PIEZO2: variants seen among roughly 807,000 people sequenced by gnomAD.
The protein encoded by PIEZO2 is piezo type mechanosensitive ion channel component 2.
A neutral mutation model predicts 337.3 loss-of-function variants in PIEZO2; 172 were observed. That is an observed-to-expected ratio of 0.51 (90% CI 0.45 to 0.58). The LOEUF (loss-of-function observed/expected upper bound fraction) is 0.58. PIEZO2 is among the 20% of genes least tolerant of loss of function. The pLI is 0.00. For synonymous variants in PIEZO2, 1,251 were observed against 1,228.5 expected, an observed-to-expected ratio of 1.02 and a Z score of -0.38; for missense variants, 3,028 against 3,391.3, an observed-to-expected ratio of 0.89 and a Z score of 2.66.
chr18:10,779,605 T>C (rs2038907724), intron 18 of PIEZO2, among the ~76,000 whole-genome samples: 1 of 152,262 alleles, frequency 6.6e-6, no homozygotes, highest in African/African-American at 2.4e-5. Flanking sequence ...TCTGGTGATG[T>C]AAAATATCCC....
At chr18:10,868,349 A>T (rs2144770373) in intron 5 of PIEZO2, among the ~76,000 whole-genome samples, 1 of 152,328 alleles carries the variant, frequency 6.6e-6, no homozygotes, top group South Asian at 2.1e-4. Context: ...CAAAAATAAA[A>T]TAAATTCCCT....
At position 10,735,291 on chromosome 18, in the gene PIEZO2, G is replaced by A. The variant is rs1425702707; in HGVS notation, c.4855C>T (p.Pro1619Ser). ...GKFASAILAL[P>S]KSVIKLPKTI... ...TTGGGAAGTTTAATGACAGACTTTG[G>A]CAAGGCTAAAATGGCTGATGCAAAC... The change falls in exon 35 of 56, where the codon CCA (proline) becomes TCA (serine). Residue 1619 changes from proline (P) to serine (S), a missense_variant. This residue lies in a region of PIEZO2 where 1,925 missense variants were observed against 2,051.9 expected (regional missense o/e 0.94). Transcript: ENST00000674853. Among the ~76,000 whole-genome samples, 2 of 152,112 alleles carry A rather than the reference G, an allele frequency of 1.3e-5. No homozygotes were observed. Among genetic ancestry groups the A allele is most frequent in the African/African-American group, 4.8e-5 (2 of 41,414 alleles).
Position 11,125,997 on chromosome 18 carries a change from G to C in PIEZO2, c.64+22528C>G, listed in dbSNP as rs1186217008. ...GCACGTGACTGTGGTTTTATCCAGA[G>C]TGTTGTCAAAGCATGCATAATGACT... is the stretch of plus-strand genomic sequence containing the variant. On this transcript the variant is annotated intron_variant, in intron 1 of 55. Coordinates refer to ENST00000674853, the MANE Select transcript of PIEZO2 (RefSeq NM_001378183.1). This position sits in a 1 kb window ranked among gnomAD's most constrained non-coding sequence, Gnocchi z 4.4. 6.6e-6 allele frequency among the ~76,000 whole-genome samples: 1 copy of C among 152,182 alleles called. No individual in the cohort carries two copies. The highest frequency in any genetic ancestry group is 2.4e-5 in the African/African-American group (1 of 41,432).
rs1430073352 is a variant in PIEZO2, at chr18:11,031,408, T to C, written c.160+34719A>G. Among the ~76,000 whole-genome samples, 3 of 152,168 alleles carry C rather than the reference T, an allele frequency of 2.0e-5. No homozygotes were observed. Among genetic ancestry groups the C allele is most frequent in the African/African-American group, 7.2e-5 (3 of 41,430 alleles). On this transcript the variant is annotated intron_variant, in intron 2 of 55. Coordinates refer to ENST00000674853, the MANE Select transcript of PIEZO2 (RefSeq NM_001378183.1). This position sits in a 1 kb window ranked among gnomAD's most constrained non-coding sequence, Gnocchi z 4.7. ...TTTTGAAAGTATACTCCACTCTTAA[T>C]TCTTACATTTTATACCAGAAAAAAA...
intron 48 of PIEZO2, among the ~76,000 whole-genome samples, chr18:10,690,282 G>A (rs1288372708): frequency 6.6e-6 from 1 of 152,184 alleles, no homozygotes; most frequent in Admixed American, 6.5e-5. Flanking sequence ...ACTTGCTGGA[G>A]TACCACAGTG....
intron 1 of PIEZO2, among the ~76,000 whole-genome samples, chr18:11,108,814 A>G (rs2039650267): frequency 6.6e-6 from 1 of 152,078 alleles, no homozygotes; most frequent in African/African-American, 2.4e-5. Context: ...AGGGCTGGCA[A>G]GCTGAAGACC....
chr18:10,762,537 C>T lies in PIEZO2; in HGVS notation c.3212G>A (p.Gly1071Asp), dbSNP rs1039361041. Residue 1071 changes from glycine to aspartate, a missense_variant, in exon 23 of 56, where the codon GGC becomes GAC. Transcript: ENST00000674853. ...SAPIDPTEWV[G>D]LRKSSPLLVY... ...TAGCAGAGGCGAAGACTTCCGCAGGCCGACCCACTCTGTAGGATCGATAGG... is the reference window on the plus strand; with the variant it reads ...TAGCAGAGGCGAAGACTTCCGCAGGTCGACCCACTCTGTAGGATCGATAGG... 2.0e-6 allele frequency: 3 copies of T among 1,537,314 alleles called. No individual in the cohort carries two copies. The highest frequency in any genetic ancestry group is 2.4e-5 in the East Asian group (1 of 40,912).
In PIEZO2 at chr18:11,048,130, A is replaced by T. The variant is rs2037386786; in HGVS notation, c.160+17997T>A. 6.6e-6 allele frequency among the ~76,000 whole-genome samples: 1 copy of T among 152,210 alleles called. No homozygotes were observed. Among genetic ancestry groups the T allele is most frequent in the Non-Finnish European group, 1.5e-5 (1 of 68,040 alleles). On this transcript the variant is annotated intron_variant, in intron 2 of 55. Coordinates refer to ENST00000674853, the MANE Select transcript of PIEZO2 (RefSeq NM_001378183.1). This position sits in a 1 kb window ranked among gnomAD's most constrained non-coding sequence, Gnocchi z 4.5. ...CATGTGACACCTCTTCAAGCCTGAA[A>T]GCCCCTGCTCCTGACTGCCCGAGGA...
At chr18:11,007,401 A>G (rs1010095770) in intron 2 of PIEZO2, among the ~76,000 whole-genome samples, 1 of 152,250 alleles carries the variant, frequency 6.6e-6, no homozygotes, top group African/African-American at 2.4e-5. Flanking sequence ...TAGCAAATGT[A>G]TGCATATAGG....
At chr18:10,764,837 C>T (rs1232649464) in intron 21 of PIEZO2, among the ~76,000 whole-genome samples, 1 of 152,202 alleles carries the variant, frequency 6.6e-6, no homozygotes, top group East Asian at 1.9e-4. Context: ...CACTCATAAA[C>T]ATGTTACCTT....
At position 10,740,959 on chromosome 18, in the gene PIEZO2, G is replaced by C. The variant is rs1240643677; in HGVS notation, c.4708+72C>G. ...CATGCATGGAACACATGGGTCACGGGAACGCCTGAATTCTGGTCAAGGATA... is the reference window on the plus strand; with the variant it reads ...CATGCATGGAACACATGGGTCACGGCAACGCCTGAATTCTGGTCAAGGATA... On this transcript the variant is annotated intron_variant, in intron 33 of 55. Coordinates refer to ENST00000674853, the MANE Select transcript of PIEZO2 (RefSeq NM_001378183.1). 5 of 1,429,368 alleles carry C rather than the reference G, an allele frequency of 3.5e-6. No individual in the cohort carries two copies. The South Asian group carries it at 6.1e-5, about 17-fold the overall frequency. 88.5% of individuals were successfully genotyped at this position (1,429,368 alleles called of 1,614,324 possible).
rs544807073 is a variant in PIEZO2, at chr18:10,790,833, T to G, written c.1882+368A>C. 2.0e-5 allele frequency among the ~76,000 whole-genome samples: 3 copies of G among 151,820 alleles called. No homozygotes were observed. In the East Asian group the frequency reaches 5.8e-4, roughly 30 times the overall value. ...CCGTTCTCTTCCTCAGCCTCCTGAG[T>G]AGCTGGGACTACAGGCGCCCACCAC... On this transcript the variant is annotated intron_variant, in intron 14 of 55. Coordinates refer to ENST00000674853, the MANE Select transcript of PIEZO2 (RefSeq NM_001378183.1).
At chr18:11,072,695 G>C (rs2038388049) in intron 1 of PIEZO2, among the ~76,000 whole-genome samples, 1 of 152,198 alleles carries the variant, frequency 6.6e-6, no homozygotes, top group Non-Finnish European at 1.5e-5. Context: ...AGTGGGTACA[G>C]CTATGTAGCC....
Position 10,724,688 on chromosome 18 carries a change from T to C in PIEZO2, c.5030-6429A>G. On this transcript the variant is annotated intron_variant, in intron 36 of 55. Coordinates refer to ENST00000674853, the MANE Select transcript of PIEZO2 (RefSeq NM_001378183.1). The surrounding 1 kb of genome is among the most constrained non-coding windows in gnomAD (Gnocchi z 5.8). The stretch of plus-strand genomic sequence containing the variant: ...AGCCCACCTACCAGTCTGCTGTCCC[T>C]GCGTCATAGGCTGAAGCACTCAGAC... The C allele has an allele frequency of 9.0e-7, 1 of 1,108,888 alleles. No homozygotes were observed. The highest frequency in any genetic ancestry group is 1.3e-6 in the Non-Finnish European group (1 of 763,778). The allele number at this position is 1,108,888 out of a possible 1,614,324, so 68.7% of individuals were successfully genotyped here. A position where few individuals can be genotyped will look rare whatever the true frequency, so the allele number is the denominator to read the frequency against.
chr18:10,792,822 T>C (rs1285457027), intron 13 of PIEZO2, among the ~76,000 whole-genome samples: 1 of 152,192 alleles, frequency 6.6e-6, no homozygotes, highest in Non-Finnish European at 1.5e-5. Flanking sequence ...TTATGGAAAT[T>C]TTATGTTTAA....
At chr18:11,121,192 C>T (rs983690954) in intron 1 of PIEZO2, among the ~76,000 whole-genome samples, 3 of 152,168 alleles carry the variant, frequency 2.0e-5, no homozygotes, top group Admixed American at 1.3e-4. Context: ...GTGGAGGTTG[C>T]AGTGAGCCAA....
Position 10,795,116 on chromosome 18 carries a change from A to T in PIEZO2, c.1528-114T>A. ...AAAGGTCATAATATTCAAACCAGGG[A>T]GAGTAGAGAGTTGTGGTGGAGTGAT... On this transcript the variant is annotated intron_variant, in intron 12 of 55. Coordinates refer to ENST00000674853, the MANE Select transcript of PIEZO2 (RefSeq NM_001378183.1). This position sits in a 1 kb window ranked among gnomAD's most constrained non-coding sequence, Gnocchi z 4.4. 1 of 906,528 alleles carries T rather than the reference A, an allele frequency of 1.1e-6. No individual in the cohort carries two copies. The highest frequency in any genetic ancestry group is 1.7e-6 in the Non-Finnish European group (1 of 605,702). The allele number at this position is 906,528 out of a possible 1,614,324, so 56.2% of individuals were successfully genotyped here.
intron 2 of PIEZO2, among the ~76,000 whole-genome samples, chr18:11,005,301 C>T (rs1386143530): frequency 1.3e-5 from 2 of 152,158 alleles, no homozygotes; most frequent in African/African-American, 4.8e-5. Flanking sequence ...TAAATTTGAC[C>T]CTGATACAAA....
intron 7 of PIEZO2, among the ~76,000 whole-genome samples, chr18:10,851,825 T>C (rs1449550450): frequency 6.6e-6 from 1 of 152,188 alleles, no homozygotes; most frequent in Non-Finnish European, 1.5e-5. Flanking sequence ...AAAGAGCATA[T>C]GGTTCTCAAA....
Sources: allele counts gnomAD v4.1 joint callset (sites outside exome capture counted in the v4.1 genomes callset), GRCh38; gene constraint gnomAD v4.1.1; regional missense constraint gnomAD v4.1.1; non-coding constraint Gnocchi (gnomAD v3.1); transcripts MANE v1.5; gene names NCBI Gene and HGNC (gene_info 2026-07-23, HGNC 2026-07-21).